The following NEK5 variants were observed in gnomAD, a reference collection of about 807,000 sequenced individuals.
NEK5 encodes the protein NIMA related kinase 5, also known as serine/threonine-protein kinase Nek5.
A neutral mutation model predicts 109.2 loss-of-function variants in NEK5; 88 were observed. The observed-to-expected ratio is 0.81, with a 90% CI of 0.68 to 0.96. NEK5 has a LOEUF of 0.96. Ranked by LOEUF, NEK5 falls within the 40% of genes least tolerant of loss-of-function variation. The probability of loss-of-function intolerance (pLI) is 0.00; values close to 1 mark genes in which losing one functional copy is unlikely to be tolerated. For missense variants in NEK5, 834 were observed against 920.7 expected, an observed-to-expected ratio of 0.91 and a Z score of 1.22; for synonymous variants, 283 against 299.9, an observed-to-expected ratio of 0.94 and a Z score of 0.58.
chr13:52,123,167 T>C (rs1200401718), intron 3 of NEK5, among the ~76,000 whole-genome samples: 2 of 152,018 alleles, frequency 1.3e-5, no homozygotes, highest in African/African-American at 4.8e-5. Context: ...TAAGAAGTAA[T>C]GAAAAACTAC....
At chr13:52,048,755 C>T (rs908962662) in intron 23 of NEK5, among the ~76,000 whole-genome samples, 3 of 152,068 alleles carry the variant, frequency 2.0e-5, no homozygotes, top group Non-Finnish European at 4.4e-5. Flanking sequence ...AGCTCACTAA[C>T]GTGGAATCAA....
chr13:52,091,042 C>A (rs1431313249), intron 13 of NEK5, among the ~76,000 whole-genome samples: 16 of 151,780 alleles, frequency 1.1e-4, no homozygotes, highest in Admixed American at 1.1e-3. Flanking sequence ...AAAAAAAATC[C>A]TTTTCCTCCA....
intron 20 of NEK5, among the ~76,000 whole-genome samples, chr13:52,069,257 C>T (rs971683531): frequency 6.6e-6 from 1 of 152,140 alleles, no homozygotes; most frequent in Admixed American, 6.5e-5. Flanking sequence ...GGGCCAAATC[C>T]CACTCACCTC....
intron 22 of NEK5, among the ~76,000 whole-genome samples, chr13:52,055,327 T>C (rs1473872658): frequency 1.3e-5 from 2 of 152,130 alleles, no homozygotes; most frequent in Non-Finnish European, 2.9e-5. Context: ...GTCTGATTGG[T>C]GTACCTGAAA....
intron 8 of NEK5, among the ~76,000 whole-genome samples, chr13:52,106,660 G>T (rs116696036): frequency 0.012 from 1,885 of 151,942 alleles, 39 homozygotes; most frequent in African/African-American, 0.044. Context: ...CCAGGTACTT[G>T]GGAGACTGAG....
chr13:52,106,837 A>G (rs1158052427), intron 8 of NEK5, among the ~76,000 whole-genome samples: 3 of 152,130 alleles, frequency 2.0e-5, no homozygotes, highest in African/African-American at 7.2e-5. Context: ...TGGGTTTTAA[A>G]GCTGGAAGAC....
At position 52,057,495 on chromosome 13, in the gene NEK5, C is replaced by A. The variant is rs1281353878; in HGVS notation, c.2110+4324G>T. On this transcript the variant is annotated intron_variant, in intron 22 of 23. Transcript: ENST00000684899. ...CCAAAGCCTGGCAGAGACACAACCA[C>A]AAAAGAGAATTTTAGACCAATATCC... 2.0e-4 allele frequency among the ~76,000 whole-genome samples: 30 copies of A among 152,022 alleles called. 1 individual carries two copies. The South Asian group carries it at 2.5e-3, about 13-fold the overall frequency.
chr13:52,122,782 T>C (rs1955995666), intron 3 of NEK5, among the ~76,000 whole-genome samples: 1 of 151,296 alleles, frequency 6.6e-6, no homozygotes, highest in Non-Finnish European at 1.5e-5. Flanking sequence ...AAAAAAAGAG[T>C]ATATCTACCA....
intron 11 of NEK5, among the ~76,000 whole-genome samples, chr13:52,100,364 C>T (rs1263277376): frequency 1.3e-5 from 2 of 152,082 alleles, no homozygotes; most frequent in African/African-American, 2.4e-5. Context: ...CGAGTTCATG[C>T]GATTCTTGTG....
At chr13:52,128,671 A>C (rs1169085976) in intron 1 of NEK5, among the ~76,000 whole-genome samples, 1 of 152,018 alleles carries the variant, frequency 6.6e-6, no homozygotes, top group Non-Finnish European at 1.5e-5. Context: ...ACGCATACGG[A>C]CTTGGGGCCG....
At chr13:52,081,855 C>G (rs999671767) in intron 17 of NEK5, among the ~76,000 whole-genome samples, 11 of 152,322 alleles carry the variant, frequency 7.2e-5, no homozygotes, top group African/African-American at 2.6e-4. Context: ...AAAAACATGT[C>G]TGTAACATCT....
chr13:52,123,682 T>G (rs1252008433), intron 3 of NEK5, among the ~76,000 whole-genome samples: 2 of 152,008 alleles, frequency 1.3e-5, no homozygotes, highest in Non-Finnish European at 2.9e-5. Context: ...TACAGCTAAA[T>G]AAGGAGGAGA....
intron 22 of NEK5, among the ~76,000 whole-genome samples, chr13:52,051,056 C>A (rs1457071360): frequency 8.9e-6 from 1 of 112,012 alleles, no homozygotes; most frequent in Non-Finnish European, 2.2e-5. Flanking sequence ...AATTATAAGG[C>A]AGGGGCTTTT....
intron 23 of NEK5, among the ~76,000 whole-genome samples, chr13:52,042,313 A>C (rs1954421559): frequency 6.6e-6 from 1 of 151,566 alleles, no homozygotes; most frequent in African/African-American, 2.4e-5. Flanking sequence ...AAAAATGGCA[A>C]GTTCAGAAAA....
chr13:52,101,851 T>C (rs1032938908), intron 11 of NEK5, 82 bp downstream of exon 11: 2 of 1,114,588 alleles, frequency 1.8e-6, no homozygotes, highest in Non-Finnish European at 2.7e-6. Flanking sequence ...TTTCAATATG[T>C]TTGGTGAAAT....
At chr13:52,063,655 C>A in intron 21 of NEK5, among the ~76,000 whole-genome samples, 1 of 150,878 alleles carries the variant, frequency 6.6e-6, no homozygotes, top group East Asian at 2.0e-4. Flanking sequence ...CACCCATCGT[C>A]TGAGATGTGG....
chr13:52,086,913 C>G (rs569990448), intron 15 of NEK5, among the ~76,000 whole-genome samples: 1 of 152,124 alleles, frequency 6.6e-6, no homozygotes, highest in Non-Finnish European at 1.5e-5. Flanking sequence ...TTGCCAGTGA[C>G]GCACCAGAAG....
rs527805053 is a variant in NEK5, at chr13:52,046,351, C to T, written c.2228+3753G>A. ...AAATAGCTGGGCATGGTGGTGCATG[C>T]CTATACTCCCAGCCACTCAGGAGGC... On this transcript the variant is annotated intron_variant, in intron 23 of 23. Coordinates refer to ENST00000684899, the MANE Select transcript of NEK5 (RefSeq NM_001365552.1). Among the ~76,000 whole-genome samples the T allele has an allele frequency of 2.7e-5, 4 of 150,782 alleles. 1 individual carries two copies. The South Asian group carries it at 6.3e-4, about 24-fold the overall frequency.
intron 20 of NEK5, among the ~76,000 whole-genome samples, chr13:52,065,983 A>G (rs9535850): frequency 0.034 from 5,105 of 149,344 alleles, 129 homozygotes; most frequent in South Asian, 0.093. Flanking sequence ...TGTTTTCACT[A>G]TAGAAAATCT....
Sources: allele counts gnomAD v4.1 joint callset (sites outside exome capture counted in the v4.1 genomes callset), GRCh38; gene constraint gnomAD v4.1.1; transcripts MANE v1.5; gene names NCBI Gene and HGNC (gene_info 2026-07-23, HGNC 2026-07-21).